Variants in GRIK2 observed in about 807,000 individuals in gnomAD.
GRIK2 encodes glutamate receptor ionotropic, kainate 2.
Under a neutral mutation model 100.3 loss-of-function variants are expected in GRIK2, and 32 were observed. The ratio of observed to expected loss-of-function variants is 0.32; its 90% confidence interval spans 0.24 to 0.43. The LOEUF (loss-of-function observed/expected upper bound fraction) is 0.43. Ranked by LOEUF, GRIK2 falls within the 20% of genes least tolerant of loss-of-function variation. The pLI is 1.00. For synonymous variants in GRIK2, 417 were observed against 389.4 expected (o/e 1.07, Z -0.83); for missense variants, 843 against 1,114.9 (o/e 0.76, Z 3.47).
intron 7 of GRIK2, among the ~76,000 whole-genome samples, chr6:101,760,584 A>T (rs1184259604): frequency 3.7e-5 from 3 of 81,764 alleles, no homozygotes; most frequent in Admixed American, 2.0e-4. Flanking sequence ...TTAATTATAT[A>T]TAATTATATA....
At chr6:101,912,995 G>C (rs1788855183) in intron 12 of GRIK2, among the ~76,000 whole-genome samples, 1 of 151,426 alleles carries the variant, frequency 6.6e-6, no homozygotes, top group Non-Finnish European at 1.5e-5. Context: ...CACAGAAATA[G>C]TATGATTCTG....
At chr6:101,841,336 C>T (rs2518265) in intron 10 of GRIK2, among the ~76,000 whole-genome samples, 42,648 of 151,700 alleles carry the variant, frequency 0.28, 8,606 homozygotes, top group East Asian at 0.68. Context: ...GAATGTTTAA[C>T]AAATTCACGT....
At chr6:101,396,250 C>CA (rs903804660) in intron 1 of GRIK2, among the ~76,000 whole-genome samples, 1 of 150,192 alleles carries the variant, frequency 6.7e-6, no homozygotes, top group Non-Finnish European at 1.5e-5. Context: ...ATTCCCCCCC[C>CA]CCCCAGGAAG....
At chr6:101,837,741 G>T (rs560481615) in intron 10 of GRIK2, among the ~76,000 whole-genome samples, 1 of 152,268 alleles carries the variant, frequency 6.6e-6, no homozygotes. Context: ...GAAATGGGTT[G>T]AAATTTCTAC....
At chr6:101,582,350 G>T (rs969803412) in intron 2 of GRIK2, among the ~76,000 whole-genome samples, 4 of 152,054 alleles carry the variant, frequency 2.6e-5, no homozygotes, top group Non-Finnish European at 5.9e-5. Context: ...GTGCTAGTTT[G>T]CTGAGAATGA....
At position 101,521,381 on chromosome 6, in the gene GRIK2, T is replaced by G. The variant is rs568475588; in HGVS notation, c.116-100568T>G. On this transcript the variant is annotated intron_variant, in intron 2 of 16. Transcript: ENST00000369134. The stretch of plus-strand genomic sequence containing the variant: ...AGCTAATCCATACTTACAATATTTT[T>G]TCTATGTTTCAAAAAGTATTATTTT... 1.3e-3 allele frequency among the ~76,000 whole-genome samples: 201 copies of G among 152,084 alleles called. 1 individual carries two copies. Among genetic ancestry groups the G allele is most frequent in the Middle Eastern group, 3.4e-3 (1 of 290 alleles).
intron 9 of GRIK2, among the ~76,000 whole-genome samples, chr6:101,807,792 T>A (rs1562403693): frequency 6.6e-6 from 1 of 152,128 alleles, no homozygotes; most frequent in East Asian, 1.9e-4. Flanking sequence ...AGATTGTGTT[T>A]GGCTTCCTGA....
chr6:101,794,041 G>A (rs1010608352), intron 7 of GRIK2, among the ~76,000 whole-genome samples: 16 of 152,150 alleles, frequency 1.1e-4, no homozygotes, highest in African/African-American at 3.1e-4. Flanking sequence ...CTCCTGGTGC[G>A]CCATTTCCTA....
chr6:101,918,192 T>TAAC (rs1789243291), intron 12 of GRIK2, among the ~76,000 whole-genome samples: 1 of 151,230 alleles, frequency 6.6e-6, no homozygotes, highest in African/African-American at 2.4e-5. Flanking sequence ...TATGTAATAA[T>TAAC]GATGATGATG....
chr6:101,424,881 A>T (rs1776621121), intron 2 of GRIK2, among the ~76,000 whole-genome samples: 1 of 152,040 alleles, frequency 6.6e-6, no homozygotes, highest in Non-Finnish European at 1.5e-5. Context: ...CCATGTCCCT[A>T]CAAAGGACAC....
intron 2 of GRIK2, among the ~76,000 whole-genome samples, chr6:101,482,994 A>G (rs1772614268): frequency 6.6e-6 from 1 of 152,202 alleles, no homozygotes; most frequent in Non-Finnish European, 1.5e-5. Flanking sequence ...TTTACATCCA[A>G]CGTGTAATTA....
chr6:101,639,596 A>G (rs1269998491), intron 4 of GRIK2, among the ~76,000 whole-genome samples: 2 of 147,792 alleles, frequency 1.4e-5, no homozygotes, highest in East Asian at 4.1e-4. Flanking sequence ...ATCTCAATAC[A>G]TGCATACATA....
intron 2 of GRIK2, among the ~76,000 whole-genome samples, chr6:101,525,340 T>C (rs1201303368): frequency 1.3e-5 from 2 of 152,344 alleles, no homozygotes; most frequent in African/African-American, 2.4e-5. Flanking sequence ...ATATTTGTGG[T>C]CAGCTGTATG....
intron 14 of GRIK2, among the ~76,000 whole-genome samples, chr6:102,008,207 A>C (rs1795342537): frequency 6.6e-6 from 1 of 152,122 alleles, no homozygotes; most frequent in Non-Finnish European, 1.5e-5. Flanking sequence ...ACAAATAGAA[A>C]GGAACAACTT....
chr6:101,530,833 C>T (rs1244520655), intron 2 of GRIK2, among the ~76,000 whole-genome samples: 2 of 151,878 alleles, frequency 1.3e-5, no homozygotes, highest in East Asian at 3.9e-4. Context: ...GCAGCAGAGA[C>T]ACCATAAGTT....
chr6:101,944,300 TAATA>T (rs1791139641), intron 14 of GRIK2, among the ~76,000 whole-genome samples: 1 of 152,218 alleles, frequency 6.6e-6, no homozygotes, highest in African/African-American at 2.4e-5. Flanking sequence ...GAAAATGAAC[TAATA>T]AATCCTTTTA....
chr6:101,720,742 G>A (rs1028004457), intron 7 of GRIK2, among the ~76,000 whole-genome samples: 1 of 150,792 alleles, frequency 6.6e-6, no homozygotes, highest in African/African-American at 2.5e-5. Flanking sequence ...GAAAAAAAAA[G>A]TTTTAGTTAA....
chr6:101,852,434 C>A (rs572616089), intron 10 of GRIK2, among the ~76,000 whole-genome samples: 85 of 152,190 alleles, frequency 5.6e-4, no homozygotes, highest in Middle Eastern at 3.4e-3. Context: ...GTGGAACTTA[C>A]CTGTCTCAAT....
chr6:101,784,077 C>T (rs1402142518), intron 7 of GRIK2, among the ~76,000 whole-genome samples: 2 of 152,206 alleles, frequency 1.3e-5, no homozygotes, highest in African/African-American at 4.8e-5. Context: ...CAGAAATTTG[C>T]ATAAGTAACG....
Sources: allele counts gnomAD v4.1 joint callset (sites outside exome capture counted in the v4.1 genomes callset), GRCh38; gene constraint gnomAD v4.1.1; transcripts MANE v1.5; gene names NCBI Gene and HGNC (gene_info 2026-07-23, HGNC 2026-07-21).